The following SETD1B variants were observed in gnomAD, a reference collection of about 807,000 sequenced individuals.
SETD1B encodes the protein histone-lysine N-methyltransferase SETD1B.
Under a neutral mutation model 148.0 loss-of-function variants are expected in SETD1B, and 7 were observed. The ratio of observed to expected loss-of-function variants is 0.05; its 90% CI spans 0.03 to 0.09. The LOEUF is 0.09. Among genes scored for constraint, SETD1B ranks in the 10% least tolerant of loss-of-function variants. The pLI is 1.00. For synonymous variants in SETD1B, 1,361 were observed against 1,186.5 expected (o/e 1.15, Z -3.02); for missense variants, 2,155 against 2,729.9 (o/e 0.79, Z 4.69).
chr12:121,819,707 T>C lies in SETD1B; in HGVS notation c.3722T>C (p.Val1241Ala). The change falls in exon 11 of 17, where the codon GTG becomes GCG. Residue 1241 changes from valine (V) to alanine (A), a missense_variant. Coordinates refer to ENST00000604567, the MANE Select transcript of SETD1B (RefSeq NM_001353345.2). ...EEEVDIETEA[V>A]APEERPSMLD... is the part of the protein sequence containing the mutation. ...GAGGTGGACATCGAGACTGAGGCTG[T>C]GGCCCCTGAGGAGCGGCCCTCCATG... 1.3e-6 allele frequency: 2 copies of C among 1,551,138 alleles called. No homozygotes were observed. The highest frequency in any genetic ancestry group is 2.4e-5 in the South Asian group (2 of 84,038).
chr12:121,805,873 G>A lies in SETD1B; in HGVS notation c.312G>A (p.Gln104=). The A allele has an allele frequency of 6.4e-7, 1 of 1,551,590 alleles. No individual in the cohort carries two copies. Among genetic ancestry groups the A allele is most frequent in the South Asian group, 1.2e-5 (1 of 84,062 alleles). ...ACGTGGGCCCGGTGCCTCCGAAGCAGGTGACATTTGCCAAGCTGAATGATA... is the reference window on the plus strand; with the variant it reads ...ACGTGGGCCCGGTGCCTCCGAAGCAAGTGACATTTGCCAAGCTGAATGATA... The part of the protein sequence containing the change: ...EFYVGPVPPK[Q]VTFAKLNDNI... The change falls in exon 4 of 17, where the codon CAG becomes CAA. Residue 104 remains glutamine, a synonymous_variant. Transcript: ENST00000604567. This position sits in a 1 kb window ranked among gnomAD's most constrained non-coding sequence, Gnocchi z 4.2.
chr12:121,802,291 G>A (rs564672875), upstream of SETD1B: 1 of 152,316 alleles, frequency 6.6e-6, no homozygotes, highest in South Asian at 2.1e-4. Context: ...GGAAAATTAA[G>A]GACATCTCAG....
chr12:121,814,447 A>G lies in SETD1B; in HGVS notation c.2232A>G (p.Pro744=). 1 of 1,351,830 alleles carries G rather than the reference A, an allele frequency of 7.4e-7. No individual in the cohort carries two copies. The highest frequency in any genetic ancestry group is 2.9e-5 in the East Asian group (1 of 34,632). The allele number at this position is 1,351,830 out of a possible 1,614,324, so 83.7% of individuals were successfully genotyped here. The change falls in exon 7 of 17, where the codon CCA becomes CCG. Residue 744 remains proline (P), a synonymous_variant. Transcript: ENST00000604567. ...PGVPPPPILP[P]LPPFPPGLFP... ...TCCCGCCCCCACCCATCCTGCCACC[A>G]CTGCCCCCCTTTCCGCCGGGCCTGT...
rs144469853 is a variant in SETD1B at position 121,811,927 on chromosome 12, T to C, written c.1890+1092T>C. On this transcript the variant is annotated intron_variant, in intron 6 of 16. Transcript: ENST00000604567. ...CAGGGGGCGTTGACAGGTGTGCAGC[T>C]GTAGGGGGGCCGCCGGCCCTGGCAC... 7.9e-3 allele frequency among the ~76,000 whole-genome samples: 1,195 copies of C among 152,054 alleles called. 12 individuals are homozygous for C. The highest frequency in any genetic ancestry group is 0.027 in the African/African-American group (1,130 of 41,448).
At position 121,805,765 on chromosome 12, in the gene SETD1B, G is replaced by A. The variant is rs1356781062; in HGVS notation, c.274-70G>A. ...CGGGTGGGCGAGTTGCGGGCGGGGC[G>A]GGGGGGATGTTGTGTTTTCCCTTAG... On this transcript the variant is annotated intron_variant, in intron 3 of 16. Transcript: ENST00000604567. The surrounding 1 kb of genome is among the most constrained non-coding windows in gnomAD (Gnocchi z 4.2). The A allele has an allele frequency of 1.5e-6, 2 of 1,373,900 alleles. No homozygotes were observed. Among genetic ancestry groups the A allele is most frequent in the South Asian group, 2.9e-5 (2 of 68,614 alleles). The allele number at this position is 1,373,900 out of a possible 1,614,324, so 85.1% of individuals were successfully genotyped here.
intron 4 of SETD1B, among the ~76,000 whole-genome samples, chr12:121,807,908 G>T (rs1875827930): frequency 6.6e-6 from 1 of 151,900 alleles, no homozygotes; most frequent in South Asian, 2.1e-4. Context: ...TGCAGGGGTG[G>T]GGGGGGGCTG....
chr12:121,804,802 G>A lies in SETD1B; in HGVS notation c.65G>A (p.Gly22Asp). The change falls in exon 2 of 17, where the codon GGC becomes GAC. Residue 22 changes from glycine to aspartate, a missense_variant. By Grantham distance (94) the Gly-to-Asp change is moderately conservative (BLOSUM62 -1). This residue lies in a region of SETD1B where 124 missense variants were observed against 282.9 expected (regional missense o/e 0.44). Coordinates refer to ENST00000604567, the MANE Select transcript of SETD1B (RefSeq NM_001353345.2). This position sits in a 1 kb window ranked among gnomAD's most constrained non-coding sequence, Gnocchi z 4.6. Reference sequence around the variant, plus strand: ...CCCCCGCCGCAGCCCGGCCCTTCGGGCGAGAGGAGGAACCACCATTGGAGA... The same window carrying A: ...CCCCCGCCGCAGCCCGGCCCTTCGGACGAGAGGAGGAACCACCATTGGAGA... ...QQPPPQPGPSGERRNHHWRSY... is the reference protein window; with the variant it reads ...QQPPPQPGPSDERRNHHWRSY... 1 of 1,550,716 alleles carries A rather than the reference G, an allele frequency of 6.4e-7. No individual in the cohort carries two copies. The highest frequency in any genetic ancestry group is 8.7e-7 in the Non-Finnish European group (1 of 1,146,710).
the SETD1B span, among the ~76,000 whole-genome samples, chr12:121,792,853 G>C: frequency 1.8e-4 from 28 of 152,242 alleles, 1 homozygote; most frequent in Admixed American, 1.8e-3. Context: ...ACCATGGGAG[G>C]CCCAAGAGCA....
Position 121,830,302 on chromosome 12 carries a change from T to C in SETD1B, c.*63T>C. ...CTGGGACTCCCGAGCGTGGAGCCCC[T>C]GGCCCCGGGGCCCGGCCCCCCGCGC... is the stretch of plus-strand genomic sequence containing the variant. On this transcript the variant is annotated 3_prime_UTR_variant, in exon 17 of 17. Coordinates refer to ENST00000604567, the MANE Select transcript of SETD1B (RefSeq NM_001353345.2). The surrounding 1 kb of genome is among the most constrained non-coding windows in gnomAD (Gnocchi z 5.7). 1.4e-6 allele frequency: 2 copies of C among 1,475,576 alleles called. No homozygotes were observed. Among genetic ancestry groups the C allele is most frequent in the South Asian group, 2.5e-5 (2 of 79,050 alleles). The allele number at this position is 1,475,576 out of a possible 1,614,324, so 91.4% of individuals were successfully genotyped here.
intron 12 of SETD1B, among the ~76,000 whole-genome samples, chr12:121,824,656 A>C (rs79263667): frequency 1.3e-5 from 2 of 151,784 alleles, no homozygotes; most frequent in Non-Finnish European, 2.9e-5. Flanking sequence ...CAAAAAAAAA[A>C]AAAAACTCTG....
At chr12:121,818,250 T>A (rs1876394217) in intron 10 of SETD1B, among the ~76,000 whole-genome samples, 1 of 152,210 alleles carries the variant, frequency 6.6e-6, no homozygotes, top group Non-Finnish European at 1.5e-5. Context: ...TACTAAATGC[T>A]GCTGGAATTA....
Position 121,810,220 on chromosome 12 carries a change from T to G in SETD1B, c.1275T>G (p.Ser425Arg), listed in dbSNP as rs1349779062. Reference sequence around the variant, plus strand: ...CAGCCGCTTTTGGGGCCCGCGACAGTGGGGAGTTCCGGAGGGCACCGGCGC... The same window carrying G: ...CAGCCGCTTTTGGGGCCCGCGACAGGGGGGAGTTCCGGAGGGCACCGGCGC... ...TATAAFGARD[S>R]GEFRRAPAPP... The change falls in exon 6 of 17, where the codon AGT becomes AGG. Residue 425 changes from serine (S) to arginine (R), a missense_variant. By Grantham distance (110) the Ser-to-Arg change is moderately radical. Coordinates refer to ENST00000604567, the MANE Select transcript of SETD1B (RefSeq NM_001353345.2). The surrounding 1 kb of genome is among the most constrained non-coding windows in gnomAD (Gnocchi z 7.6). 1 of 1,548,910 alleles carries G rather than the reference T, an allele frequency of 6.5e-7. No individual in the cohort carries two copies. Among genetic ancestry groups the G allele is most frequent in the Non-Finnish European group, 8.7e-7 (1 of 1,146,796 alleles).
the SETD1B span, chr12:121,793,356 G>A: frequency 7.0e-7 from 1 of 1,430,376 alleles, no homozygotes; most frequent in African/African-American, 1.4e-5. Context: ...CACCCCGCTG[G>A]GCTCTGGAAT....
chr12:121,797,733 G>A, the SETD1B span: 5 of 383,534 alleles, frequency 1.3e-5, no homozygotes, highest in Non-Finnish European at 2.6e-5. Flanking sequence ...TCTAAAGGGA[G>A]GCGCCACACC....
chr12:121,817,505 A>C lies in SETD1B; in HGVS notation c.3113A>C (p.Lys1038Thr). 6.4e-7 allele frequency: 1 copy of C among 1,551,298 alleles called. No individual in the cohort carries two copies. Among genetic ancestry groups the C allele is most frequent in the Non-Finnish European group, 8.7e-7 (1 of 1,146,830 alleles). Residue 1038 changes from lysine (K) to threonine (T), a missense_variant, in exon 9 of 17, where the codon AAG becomes ACG. Transcript: ENST00000604567. This position sits in a 1 kb window ranked among gnomAD's most constrained non-coding sequence, Gnocchi z 8.1. ...GACAGTGGTGGGGAGGAGGACGAGAAGGAGTCATTGTCGGCGTCCTCGTCC... is the reference window on the plus strand; with the variant it reads ...GACAGTGGTGGGGAGGAGGACGAGACGGAGTCATTGTCGGCGTCCTCGTCC... ...ELDSGGEEDE[K>T]ESLSASSSSS... is the part of the protein sequence containing the mutation.
chr12:121,790,417 G>T, the SETD1B span, among the ~76,000 whole-genome samples: 3 of 152,340 alleles, frequency 2.0e-5, no homozygotes, highest in Admixed American at 1.3e-4. Flanking sequence ...CTACGTGGCC[G>T]CCTGGCCATG....
At chr12:121,798,654 CCTT>C in the SETD1B span, among the ~76,000 whole-genome samples, 80 of 152,376 alleles carry the variant, frequency 5.3e-4, 1 homozygote, top group Middle Eastern at 0.01. Flanking sequence ...AGCAAGATCT[CCTT>C]GTTAATCCGA....
chr12:121,808,669 A>C lies in SETD1B; in HGVS notation c.657+349A>C, dbSNP rs903090642. ...AAACATTGCTGTTTCCGGGGTCCTTAGTGTCTGGTGTCCTGGGCATGCCAC... is the reference window on the plus strand; with the variant it reads ...AAACATTGCTGTTTCCGGGGTCCTTCGTGTCTGGTGTCCTGGGCATGCCAC... On this transcript the variant is annotated intron_variant, in intron 5 of 16. Coordinates refer to ENST00000604567, the MANE Select transcript of SETD1B (RefSeq NM_001353345.2). This position sits in a 1 kb window ranked among gnomAD's most constrained non-coding sequence, Gnocchi z 5.3. 6.6e-6 allele frequency among the ~76,000 whole-genome samples: 1 copy of C among 152,112 alleles called. No individual in the cohort carries two copies. The highest frequency in any genetic ancestry group is 2.4e-5 in the African/African-American group (1 of 41,414).
In SETD1B at chr12:121,814,456, C is replaced by A. The variant is rs1876190359; in HGVS notation, c.2241C>A (p.Pro747=). The A allele has an allele frequency of 3.5e-6, 5 of 1,447,130 alleles. No individual in the cohort carries two copies. In the East Asian group the frequency reaches 1.3e-4, roughly 37 times the overall value. The allele number at this position is 1,447,130 out of a possible 1,614,324, so 89.6% of individuals were successfully genotyped here. ...CACCCATCCTGCCACCACTGCCCCCCTTTCCGCCGGGCCTGTTCCCTGTGA... is the reference window on the plus strand; with the variant it reads ...CACCCATCCTGCCACCACTGCCCCCATTTCCGCCGGGCCTGTTCCCTGTGA... The part of the protein sequence containing the change: ...PPPPILPPLP[P]FPPGLFPVMQ... Residue 747 remains proline (P), a synonymous_variant, in exon 7 of 17, where the codon CCC becomes CCA. Coordinates refer to ENST00000604567, the MANE Select transcript of SETD1B (RefSeq NM_001353345.2).
Sources: gnomAD v4.1 joint callset for allele counts (sites outside exome capture counted in the v4.1 genomes callset) on GRCh38, gnomAD v4.1.1 for gene constraint, gnomAD v4.1.1 regional missense constraint, Gnocchi (gnomAD v3.1) non-coding constraint, MANE v1.5 for transcripts, NCBI Gene and HGNC (gene_info 2026-07-23, HGNC 2026-07-21) for gene names.